Variants in GCA observed in about 807,000 individuals in gnomAD.
GCA encodes the protein grancalcin.
A neutral mutation model predicts 32.6 loss-of-function variants in GCA; 30 were observed. That is an observed-to-expected ratio of 0.92 (90% CI 0.69 to 1.25). The LOEUF is 1.25. Among genes scored for constraint, GCA ranks in the 50% most tolerant of loss-of-function variants. GCA has a pLI of 0.00. For missense variants in GCA, 291 were observed against 266.8 expected (o/e 1.09, Z -0.63); for synonymous variants, 102 against 84.6 (o/e 1.21, Z -1.13).
At chr2:162,371,102 G>A (rs148796222) in intron 4 of GCA, among the ~76,000 whole-genome samples, 2 of 152,092 alleles carry the variant, frequency 1.3e-5, no homozygotes, top group South Asian at 4.1e-4. Context: ...CAGAAAAAAA[G>A]CAAAATGAGA....
intron 1 of GCA, among the ~76,000 whole-genome samples, chr2:162,346,883 A>G (rs889780561): frequency 8.5e-5 from 13 of 152,320 alleles, no homozygotes; most frequent in Admixed American, 6.5e-4. Context: ...ACTAGATCAC[A>G]TAATCTGTAA....
chr2:162,363,927 G>A (rs1430343800), downstream of GCA, among the ~76,000 whole-genome samples: 1 of 151,390 alleles, frequency 6.6e-6, no homozygotes, highest in Non-Finnish European at 1.5e-5. Context: ...TCACTATGAT[G>A]TGCCATACAG....
chr2:162,349,733 T>C (rs1684894884), intron 2 of GCA, among the ~76,000 whole-genome samples: 1 of 152,106 alleles, frequency 6.6e-6, no homozygotes, highest in African/African-American at 2.4e-5. Context: ...TGGGACAGGC[T>C]CGATGATAAA....
At chr2:162,373,419 C>T (rs556260359), downstream of GCA, 53 of 1,309,278 alleles carry the variant, frequency 4.0e-5, no homozygotes, top group South Asian at 9.9e-4. Context: ...TAGGTGACCC[C>T]TGGAAACACA....
intron 4 of GCA, among the ~76,000 whole-genome samples, chr2:162,368,548 A>G (rs1184363033): frequency 6.6e-6 from 1 of 151,980 alleles, no homozygotes; most frequent in Non-Finnish European, 1.5e-5. Context: ...TAGACAATAT[A>G]TGATGGGGTT....
chr2:162,343,951 G>A (rs1684538462), upstream of GCA: 3 of 440,386 alleles, frequency 6.8e-6, no homozygotes, highest in Admixed American at 3.6e-5. Context: ...AGTCGAGCAG[G>A]GACTGGAGGG....
intron 5 of GCA, 44 bp downstream of exon 5, chr2:162,356,949 G>A: frequency 7.3e-7 from 1 of 1,378,064 alleles, no homozygotes; most frequent in Non-Finnish European, 9.9e-7. Flanking sequence ...GCTAATCTTT[G>A]TTCTTTGATT....
chr2:162,371,615 A>T (rs1685950056), downstream of GCA: 1 of 808,146 alleles, frequency 1.2e-6, no homozygotes, highest in South Asian at 2.4e-5. Flanking sequence ...AGATGCTGGC[A>T]GTTTTAACAT....
chr2:162,356,356 T>A (rs901920245), intron 3 of GCA, 82 bp from the exon 4 acceptor site: 6 of 815,296 alleles, frequency 7.4e-6, no homozygotes, highest in Non-Finnish European at 1.1e-5. Context: ...TTTAATGTTT[T>A]ATTTTGAAAC....
chr2:162,368,336 TTATC>T (rs1288208172), intron 4 of GCA, among the ~76,000 whole-genome samples: 2 of 152,018 alleles, frequency 1.3e-5, no homozygotes, highest in Non-Finnish European at 1.5e-5. Context: ...TTACATATAT[TTATC>T]TATTTTTGGT....
downstream of GCA, among the ~76,000 whole-genome samples, chr2:162,363,757 G>GT (rs1011654041): frequency 5.9e-5 from 9 of 151,320 alleles, no homozygotes; most frequent in African/African-American, 2.2e-4. Flanking sequence ...TTAAAAATAT[G>GT]TTTTTCTGGC....
chr2:162,327,264 T>C (rs1009912781), intron 1 of GCA, among the ~76,000 whole-genome samples: 2 of 152,290 alleles, frequency 1.3e-5, no homozygotes, highest in Middle Eastern at 3.4e-3. Flanking sequence ...TGTATCTGTT[T>C]AGAGTATCTC....
chr2:162,340,290 A>G (rs1684398838), upstream of GCA, among the ~76,000 whole-genome samples: 1 of 152,170 alleles, frequency 6.6e-6, no homozygotes, highest in Non-Finnish European at 1.5e-5. Context: ...AGGCGTCTCA[A>G]ATTTAACATC....
intron 1 of GCA, among the ~76,000 whole-genome samples, chr2:162,324,996 A>AG (rs1683825158): frequency 6.7e-6 from 1 of 148,448 alleles, no homozygotes; most frequent in Admixed American, 7.1e-5. Context: ...TAGGCATGGG[A>AG]GAAAAAAAAA....
intron 1 of GCA, among the ~76,000 whole-genome samples, chr2:162,326,797 C>A (rs955352464): frequency 6.6e-6 from 1 of 152,200 alleles, no homozygotes; most frequent in African/African-American, 2.4e-5. Flanking sequence ...GGATTACAGG[C>A]ATGAGCCACC....
At chr2:162,374,049 G>C (rs921497014), downstream of GCA, among the ~76,000 whole-genome samples, 2 of 152,092 alleles carry the variant, frequency 1.3e-5, no homozygotes, top group African/African-American at 2.4e-5. Flanking sequence ...TTAAAAAATA[G>C]ATTGGTAGCA....
At chr2:162,347,456 G>A (rs1165681608) in intron 1 of GCA, 122 bp from the exon 2 acceptor site, 3 of 542,198 alleles carry the variant, frequency 5.5e-6, no homozygotes, top group African/African-American at 1.9e-5. Context: ...TTTGTGATAA[G>A]ATTATAAGCT....
At chr2:162,325,499 A>G (rs956411064) in intron 1 of GCA, among the ~76,000 whole-genome samples, 20 of 152,288 alleles carry the variant, frequency 1.3e-4, no homozygotes, top group Non-Finnish European at 5.9e-5. Context: ...GGTGTGTTTT[A>G]TCAAGGCCTC....
intron 2 of GCA, among the ~76,000 whole-genome samples, chr2:162,350,741 A>T (rs1428975002): frequency 6.6e-6 from 1 of 152,180 alleles, no homozygotes; most frequent in Non-Finnish European, 1.5e-5. Flanking sequence ...TAAATTTCCC[A>T]GTCTTGTGCT....
Sources: allele counts gnomAD v4.1 joint callset (sites outside exome capture counted in the v4.1 genomes callset), GRCh38; gene constraint gnomAD v4.1.1; transcripts MANE v1.5; gene names NCBI Gene and HGNC (gene_info 2026-07-23, HGNC 2026-07-21).